Variants in ROBO2 observed in about 807,000 individuals in gnomAD.
ROBO2 encodes roundabout homolog 2.
ROBO2 carries 53 observed loss-of-function variants against 160.8 expected under a neutral mutation model. That is an observed-to-expected ratio of 0.33 (90% CI 0.26 to 0.41). The LOEUF is 0.41. Ranked by LOEUF, ROBO2 falls within the 10% of genes least tolerant of loss-of-function variation. ROBO2 has a pLI of 1.00. For missense variants in ROBO2, 1,577 were observed against 1,722.4 expected (o/e 0.92, Z 1.49); for synonymous variants, 664 against 611.7 (o/e 1.09, Z -1.26).
At chr3:77,338,387 A>T (rs2066712791) in intron 2 of ROBO2, among the ~76,000 whole-genome samples, 1 of 152,032 alleles carries the variant, frequency 6.6e-6, no homozygotes. Context: ...CTCAGACAGG[A>T]TCACCACGAC....
chr3:76,926,122 G>A (rs1381453900), intron 2 of ROBO2, among the ~76,000 whole-genome samples: 1 of 152,126 alleles, frequency 6.6e-6, no homozygotes, highest in African/African-American at 2.4e-5. Context: ...GCCCTCCTCA[G>A]AGTCCTAAAG....
chr3:76,357,903 T>G (rs893377971), intron 2 of ROBO2, among the ~76,000 whole-genome samples: 2 of 149,998 alleles, frequency 1.3e-5, no homozygotes, highest in African/African-American at 4.9e-5. Flanking sequence ...AATATATATA[T>G]ATATATAAAT....
chr3:76,556,137 A>G (rs1271016499), intron 2 of ROBO2, among the ~76,000 whole-genome samples: 2 of 152,046 alleles, frequency 1.3e-5, no homozygotes, highest in Non-Finnish European at 2.9e-5. Context: ...AGAAAGTGAG[A>G]AAGAAAGAAA....
At chr3:77,018,914 G>A (rs1464405660) in intron 2 of ROBO2, among the ~76,000 whole-genome samples, 1 of 152,108 alleles carries the variant, frequency 6.6e-6, no homozygotes, top group Admixed American at 6.6e-5. Context: ...CGCATTGCCT[G>A]TCAACTGATT....
chr3:77,457,539 G>A (rs922596107), intron 2 of ROBO2, among the ~76,000 whole-genome samples: 20 of 152,034 alleles, frequency 1.3e-4, no homozygotes, highest in Non-Finnish European at 1.6e-4. Context: ...CTAAGAATTG[G>A]TCATAAAACT....
At chr3:76,367,621 G>A (rs2075889682) in intron 2 of ROBO2, among the ~76,000 whole-genome samples, 1 of 151,826 alleles carries the variant, frequency 6.6e-6, no homozygotes, top group Admixed American at 6.6e-5. Context: ...AAAAATGAAG[G>A]AAAATGGACC....
intron 2 of ROBO2, among the ~76,000 whole-genome samples, chr3:76,246,326 C>G (rs10511041): frequency 0.12 from 18,828 of 151,990 alleles, 1,829 homozygotes; most frequent in East Asian, 0.42. Flanking sequence ...GGGTATAATT[C>G]AATTGTATCA....
intron 2 of ROBO2, among the ~76,000 whole-genome samples, chr3:77,470,820 G>A (rs1055480937): frequency 1.3e-5 from 2 of 152,044 alleles, no homozygotes; most frequent in Middle Eastern, 3.2e-3. Context: ...GCTAGAGGTC[G>A]GTCTTCTACT....
chr3:76,723,518 C>T (rs146080407), intron 2 of ROBO2, among the ~76,000 whole-genome samples: 1 of 152,136 alleles, frequency 6.6e-6, no homozygotes, highest in East Asian at 1.9e-4. Flanking sequence ...GTCTCCCCAC[C>T]GAGGGATGGA....
intron 11 of ROBO2, among the ~76,000 whole-genome samples, chr3:77,563,999 T>A (rs1415236631): frequency 3.3e-5 from 5 of 152,060 alleles, no homozygotes; most frequent in Non-Finnish European, 4.4e-5. Context: ...AAAATATGCT[T>A]TCATATTCCC....
At position 77,412,976 on chromosome 3, in the gene ROBO2, G is replaced by A. The variant is rs1370594914; in HGVS notation, c.389-64438G>A. On this transcript the variant is annotated intron_variant, in intron 2 of 25. Transcript: ENST00000461745. Reference sequence around the variant, plus strand: ...TCATGCCTGTAATCCCAGCGCTTTGGGAGCCTGAGGCAGGAGGGTAGCTTG... The same window carrying A: ...TCATGCCTGTAATCCCAGCGCTTTGAGAGCCTGAGGCAGGAGGGTAGCTTG... Among the ~76,000 whole-genome samples the A allele has an allele frequency of 3.3e-5, 5 of 152,254 alleles. No individual in the cohort carries two copies. The South Asian group carries it at 1.0e-3, about 32-fold the overall frequency.
intron 2 of ROBO2, among the ~76,000 whole-genome samples, chr3:76,654,335 T>C (rs557896836): frequency 6.6e-6 from 1 of 152,314 alleles, no homozygotes; most frequent in African/African-American, 2.4e-5. Context: ...GTGTTGGCAG[T>C]TAATTACAGA....
chr3:77,141,980 A>G lies in ROBO2; in HGVS notation c.388+43640A>G, dbSNP rs77599287. ...TACAGTAACCAAAGGCTGCATACTC[A>G]ATTAAAAATATGGGCACCATTTTGC... is the stretch of plus-strand genomic sequence containing the variant. On this transcript the variant is annotated intron_variant, in intron 2 of 25. Coordinates refer to ENST00000461745, the Ensembl canonical transcript of ROBO2. 1.9e-3 allele frequency among the ~76,000 whole-genome samples: 284 copies of G among 152,296 alleles called. 4 individuals are homozygous for G. In the East Asian group the frequency reaches 0.043, roughly 23 times the overall value.
chr3:76,141,486 A>T (rs1234904383), intron 2 of ROBO2, among the ~76,000 whole-genome samples: 1 of 151,704 alleles, frequency 6.6e-6, no homozygotes, highest in East Asian at 2.0e-4. Context: ...ATAATTAAAA[A>T]AATCCTAGCA....
rs140490224 is a variant in ROBO2 at position 76,534,490 on chromosome 3, A to G, written c.110-563524A>G. Among the ~76,000 whole-genome samples, 41 of 152,270 alleles carry G rather than the reference A, an allele frequency of 2.7e-4. 2 individuals are homozygous for G. The South Asian group carries it at 2.7e-3, about 10-fold the overall frequency. ...CCCATTTACCATAGGTGTGAGTGGC[A>G]GTCTGAATGGAGAAGTTCCATAGTT... On this transcript the variant is annotated intron_variant, in intron 2 of 26. Coordinates refer to the ROBO2 transcript ENST00000487694.
intron 2 of ROBO2, among the ~76,000 whole-genome samples, chr3:76,232,671 G>A (rs912332998): frequency 3.9e-5 from 6 of 152,140 alleles, no homozygotes; most frequent in African/African-American, 1.4e-4. Flanking sequence ...AACAGTTGAT[G>A]CTGTTAACTG....
intron 2 of ROBO2, among the ~76,000 whole-genome samples, chr3:76,063,367 G>A (rs1318709572): frequency 1.4e-5 from 2 of 138,756 alleles, no homozygotes; most frequent in African/African-American, 5.7e-5. Flanking sequence ...TTTTGAGACA[G>A]AGTCTCACTT....
Position 77,182,174 on chromosome 3 carries a change from C to G in ROBO2, c.388+83834C>G, listed in dbSNP as rs138893381. The stretch of plus-strand genomic sequence containing the variant: ...AACAAGACTAATTGAGATTAAAGTA[C>G]TGCCTATCAAAAAATTTCCAACAGT... On this transcript the variant is annotated intron_variant, in intron 2 of 25. Transcript: ENST00000461745. Among the ~76,000 whole-genome samples, 143 of 152,120 alleles carry G rather than the reference C, an allele frequency of 9.4e-4. 1 individual carries two copies. The highest frequency in any genetic ancestry group is 8.3e-3 in the Admixed American group (126 of 15,232).
intron 2 of ROBO2, among the ~76,000 whole-genome samples, chr3:76,983,890 A>T (rs1301709347): frequency 6.6e-6 from 1 of 152,178 alleles, no homozygotes; most frequent in Admixed American, 6.5e-5. Flanking sequence ...AAGACTGGGT[A>T]ATTTATAAAG....
Sources: allele counts gnomAD v4.1 joint callset (sites outside exome capture counted in the v4.1 genomes callset), GRCh38; gene constraint gnomAD v4.1.1; transcripts MANE v1.5; gene names NCBI Gene and HGNC (gene_info 2026-07-23, HGNC 2026-07-21).